The following LTBP2 variants were observed in gnomAD, a reference collection of about 807,000 sequenced individuals.
LTBP2 encodes latent transforming growth factor beta binding protein 2.
Under a neutral mutation model 210.6 loss-of-function variants are expected in LTBP2, and 103 were observed. The ratio of observed to expected loss-of-function variants is 0.49; its 90% CI spans 0.42 to 0.58. The LOEUF (loss-of-function observed/expected upper bound fraction) is 0.58, where lower values mean the gene tolerates loss of function less well. LTBP2 is among the 20% of genes least tolerant of loss of function. The pLI is 0.00. For synonymous variants in LTBP2, 1,007 were observed against 1,015.0 expected, an observed-to-expected ratio of 0.99 and a Z score of 0.15; for missense variants, 2,313 against 2,494.5, an observed-to-expected ratio of 0.93 and a Z score of 1.55.
intron 2 of LTBP2, among the ~76,000 whole-genome samples, chr14:74,602,443 T>C (rs571504907): frequency 1.7e-4 from 26 of 152,262 alleles, no homozygotes; most frequent in Non-Finnish European, 3.2e-4. Flanking sequence ...ATGCAGAAAG[T>C]GAGGCCCAGA....
chr14:74,498,653 G>A lies in LTBP2; in HGVS notation c.*2231C>T, dbSNP rs966247712. 1 of 232,076 alleles carries A rather than the reference G, an allele frequency of 4.3e-6. No homozygotes were observed. The highest frequency in any genetic ancestry group is 8.5e-6 in the Non-Finnish European group (1 of 117,370). The allele number at this position is 232,076 out of a possible 1,614,324, so 14.4% of individuals were successfully genotyped here. On this transcript the variant is annotated 3_prime_UTR_variant, in exon 36 of 36. Transcript: ENST00000261978. ...AGGAAGGTGGAGATTGGAGTGTTGT[G>A]GGGGCAGTGGGAACAGCAGTTACGA...
At chr14:74,549,988 C>G (rs1444644234) in intron 7 of LTBP2, 23 bp from the exon 8 acceptor site, 1 of 1,446,186 alleles carries the variant, frequency 6.9e-7, no homozygotes. Context: ...GCCATGGACA[C>G]CTGTGACCAC....
At chr14:74,520,352 G>A (rs2087185372) in intron 17 of LTBP2, among the ~76,000 whole-genome samples, 2 of 152,194 alleles carry the variant, frequency 1.3e-5, no homozygotes. Context: ...TCACCACTAG[G>A]TTTGAGGCCC....
At chr14:74,536,711 C>A (rs975832519) in intron 8 of LTBP2, among the ~76,000 whole-genome samples, 1 of 152,046 alleles carries the variant, frequency 6.6e-6, no homozygotes, top group African/African-American at 2.4e-5. Context: ...CTGGGCATGG[C>A]AGCACATGCC....
chr14:74,509,776 C>T lies in LTBP2; in HGVS notation c.3235G>A (p.Glu1079Lys). 1 of 1,614,120 alleles carries T rather than the reference C, an allele frequency of 6.2e-7. No homozygotes were observed. Among genetic ancestry groups the T allele is most frequent in the Non-Finnish European group, 8.5e-7 (1 of 1,180,028 alleles). ...TEGSFACSACENGYWVNEDGT... is the reference protein window; with the variant it reads ...TEGSFACSACKNGYWVNEDGT... ...TCTTCATTCACCCAGTACCCGTTCTCACAGGCAGAGCAGGCGAAGGAGCCC... is the reference window on the plus strand; with the variant it reads ...TCTTCATTCACCCAGTACCCGTTCTTACAGGCAGAGCAGGCGAAGGAGCCC... The change falls in exon 21 of 36, where the codon GAG becomes AAG. Residue 1079 changes from glutamate (E) to lysine (K), a missense_variant. By Grantham distance (56) the Glu-to-Lys change is moderately conservative. Around this residue, in one of 3 missense-constraint regions of LTBP2, gnomAD observed 1,867 missense variants for 1,976.9 expected, o/e 0.94. Transcript: ENST00000261978.
intron 3 of LTBP2, among the ~76,000 whole-genome samples, chr14:74,572,507 C>G (rs1423048355): frequency 1.3e-5 from 2 of 150,902 alleles, no homozygotes; most frequent in African/African-American, 4.9e-5. Flanking sequence ...CTGGGAAGCT[C>G]ACAGTGCCTT....
Position 74,596,265 on chromosome 14 carries a change from A to AT in LTBP2, c.565+7369_565+7370insA, listed in dbSNP as rs59810824. ...AATAAATAAATAAATAAATAAATAA[A>AT]AATTAAAAACAAAGAAGTGGAGCAG... On this transcript the variant is annotated intron_variant, in intron 2 of 35. Coordinates refer to ENST00000261978, the MANE Select transcript of LTBP2 (RefSeq NM_000428.3). 9.0e-4 allele frequency among the ~76,000 whole-genome samples: 127 copies of AT among 141,440 alleles called. 1 individual carries two copies. Among genetic ancestry groups the AT allele is most frequent in the African/African-American group, 1.9e-3 (62 of 33,042 alleles). 92.8% of individuals were successfully genotyped at this position (141,440 alleles called of 152,430 possible). A position where few individuals can be genotyped will look rare whatever the true frequency, so the allele number is the denominator to read the frequency against.
At chr14:74,584,719 T>C (rs2088180111) in intron 3 of LTBP2, among the ~76,000 whole-genome samples, 1 of 152,122 alleles carries the variant, frequency 6.6e-6, no homozygotes, top group South Asian at 2.1e-4. Flanking sequence ...CATCCTTTCT[T>C]TCTTCCTGCT....
intron 3 of LTBP2, 25 bp downstream of exon 3, chr14:74,585,829 A>C (rs753003016): frequency 6.2e-7 from 1 of 1,613,858 alleles, no homozygotes; most frequent in South Asian, 1.1e-5. Flanking sequence ...CCCAGACCCC[A>C]AGCCCCATGG....
At chr14:74,511,640 G>T (rs1595244664) in intron 18 of LTBP2, among the ~76,000 whole-genome samples, 1 of 152,334 alleles carries the variant, frequency 6.6e-6, no homozygotes, top group East Asian at 1.9e-4. Context: ...AGGGTCAGAG[G>T]CTCCACTTTG....
Position 74,502,802 on chromosome 14 carries a change from G to A in LTBP2, c.5021C>T (p.Ala1674Val). Residue 1674 changes from alanine (A) to valine (V), a missense_variant, in exon 34 of 36, where the codon GCC (alanine) becomes GTC (valine). Transcript: ENST00000261978. ...GGGGCCCAGGTAGTTGTAGAAGGGG[G>A]CCCCATCTGGGCCATAGATGCTGTA... Reference protein sequence around the residue: ...LHYSIYGPDGAPFYNYLGPED... With the variant: ...LHYSIYGPDGVPFYNYLGPED... 1 of 1,614,136 alleles carries A rather than the reference G, an allele frequency of 6.2e-7. No homozygotes were observed. The highest frequency in any genetic ancestry group is 8.5e-7 in the Non-Finnish European group (1 of 1,179,982).
rs140341018 is a variant in LTBP2, at chr14:74,532,434, C to T, written c.1979G>A (p.Arg660His). 87 of 1,613,874 alleles carry T rather than the reference C, an allele frequency of 5.4e-5. No individual in the cohort carries two copies. In the East Asian group the frequency reaches 8.5e-4, roughly 16 times the overall value. ...TCCCTGCCAGCACTCACACACACAG[C>T]GGCTCCGCGATGGATCCAGCATGAG... ...PGLMLDPSRS[R>H]CVSDKAISML... Residue 660 changes from arginine to histidine, a missense_variant, in exon 10 of 36, where the codon CGC becomes CAC. By Grantham distance (29) the Arg-to-His change is conservative. Transcript: ENST00000261978.
Position 74,574,288 on chromosome 14 carries a change from C to T in LTBP2, c.830+11566G>A, listed in dbSNP as rs367717246. Among the ~76,000 whole-genome samples the T allele has an allele frequency of 1.8e-3, 280 of 152,292 alleles. 1 individual carries two copies. The highest frequency in any genetic ancestry group is 6.5e-3 in the African/African-American group (271 of 41,548). ...AACCACAACCTTAGTGCTAGTCAAT[C>T]TTAACCCAAACTTCCGCCATGGTAA... On this transcript the variant is annotated intron_variant, in intron 3 of 35. Transcript: ENST00000261978.
chr14:74,526,126 C>T lies in LTBP2; in HGVS notation c.2389-12G>A, dbSNP rs1566623881. On this transcript the variant is annotated splice_polypyrimidine_tract_variant and intron_variant, in intron 13 of 35. Transcript: ENST00000261978. The stretch of plus-strand genomic sequence containing the variant: ...ACACTGGTCGTGACCTGCACAGAAA[C>T]AGGAGAAGGTCACTTTTGGCTCCTC... 2 of 1,596,484 alleles carry T rather than the reference C, an allele frequency of 1.3e-6. No homozygotes were observed. Among genetic ancestry groups the T allele is most frequent in the East Asian group, 2.3e-5 (1 of 44,264 alleles).
chr14:74,611,541 C>A lies in LTBP2; in HGVS notation c.404G>T (p.Arg135Leu). 1 of 1,565,522 alleles carries A rather than the reference C, an allele frequency of 6.4e-7. No individual in the cohort carries two copies. The highest frequency in any genetic ancestry group is 8.6e-7 in the Non-Finnish European group (1 of 1,163,512). Residue 135 changes from arginine to leucine, a missense_variant, in exon 1 of 36, where the codon CGG (arginine) becomes CTG (leucine). By Grantham distance (102) the Arg-to-Leu change is moderately radical. This residue lies in a region of LTBP2 where 1,867 missense variants were observed against 1,976.9 expected (regional missense o/e 0.94). Coordinates refer to ENST00000261978, the MANE Select transcript of LTBP2 (RefSeq NM_000428.3). ...TGGGAGAGCCGGCGCGGCCCGGGTC[C>A]GGGGTGCTGGTTGCTGCTGGCCCAG... ...TPLGQQQPAP[R>L]TRAAPALPRL...
At chr14:74,590,009 A>T (rs533856999) in intron 2 of LTBP2, among the ~76,000 whole-genome samples, 10 of 152,332 alleles carry the variant, frequency 6.6e-5, no homozygotes, top group African/African-American at 2.2e-4. Context: ...TCACATTAAC[A>T]ATAAGATCCT....
intron 3 of LTBP2, among the ~76,000 whole-genome samples, chr14:74,571,665 G>T (rs2087980296): frequency 6.6e-6 from 1 of 152,226 alleles, no homozygotes; most frequent in South Asian, 2.1e-4. Flanking sequence ...TTCTCCCCTG[G>T]AAGGGCGTGG....
rs1029091329 is a variant in LTBP2, at chr14:74,522,886, C to T, written c.2563G>A (p.Val855Ile). 9.3e-6 allele frequency: 15 copies of T among 1,612,456 alleles called. No individual in the cohort carries two copies. Among genetic ancestry groups the T allele is most frequent in the South Asian group, 4.4e-5 (4 of 90,664 alleles). ...TTCACGCAGGTTCCAGGGCCACAGACGTTGGTGGCTCCAGCAGCGCATCTG... is the reference window on the plus strand; with the variant it reads ...TTCACGCAGGTTCCAGGGCCACAGATGTTGGTGGCTCCAGCAGCGCATCTG... Reference protein sequence around the residue: ...IDRCAAGATNVCGPGTCVNLP... With the variant: ...IDRCAAGATNICGPGTCVNLP... The change falls in exon 16 of 36, where the codon GTC becomes ATC. Residue 855 changes from valine to isoleucine, a missense_variant. Physicochemically the swap from Val to Ile is conservative, Grantham distance 29 (BLOSUM62 3). This residue lies in a region of LTBP2 where 1,867 missense variants were observed against 1,976.9 expected (regional missense o/e 0.94). Coordinates refer to ENST00000261978, the MANE Select transcript of LTBP2 (RefSeq NM_000428.3).
At chr14:74,509,528 G>A (rs138930739) in intron 21 of LTBP2, among the ~76,000 whole-genome samples, 165 bp from the exon 22 acceptor site, 1 of 152,128 alleles carries the variant, frequency 6.6e-6, no homozygotes. Flanking sequence ...CTCTTCTCTG[G>A]GACTGGCTTT....
Sources: gnomAD v4.1 joint callset for allele counts (sites outside exome capture counted in the v4.1 genomes callset) on GRCh38, gnomAD v4.1.1 for gene constraint, gnomAD v4.1.1 regional missense constraint, MANE v1.5 for transcripts, NCBI Gene and HGNC (gene_info 2026-07-23, HGNC 2026-07-21) for gene names.